SIPA1L2: variants seen among roughly 807,000 people sequenced by gnomAD.
SIPA1L2 encodes the protein signal induced proliferation associated 1 like 2.
Under a neutral mutation model 163.9 loss-of-function variants are expected in SIPA1L2, and 56 were observed. The observed-to-expected ratio is 0.34, with a 90% confidence interval of 0.28 to 0.43. The LOEUF is 0.43. Among genes scored for constraint, SIPA1L2 ranks in the 20% least tolerant of loss-of-function variants. The pLI is 1.00. For synonymous variants in SIPA1L2, 877 were observed against 865.7 expected, an observed-to-expected ratio of 1.01 and a Z score of -0.23; for missense variants, 1,974 against 2,193.5, an observed-to-expected ratio of 0.90 and a Z score of 2.00.
intron 7 of SIPA1L2, among the ~76,000 whole-genome samples, chr1:232,479,408 G>C (rs1665208477): frequency 1.3e-5 from 2 of 152,208 alleles, no homozygotes; most frequent in South Asian, 4.1e-4. Context: ...CAATAGATCT[G>C]AGTGCAGAAG....
At chr1:232,453,959 C>T (rs779505160) in intron 10 of SIPA1L2, among the ~76,000 whole-genome samples, 240 of 152,204 alleles carry the variant, frequency 1.6e-3, no homozygotes, top group Non-Finnish European at 3.0e-3. Flanking sequence ...ATTTTAATGT[C>T]TGTTATGCTA....
At chr1:232,560,908 TAAA>T (rs1019461102) in intron 2 of SIPA1L2, among the ~76,000 whole-genome samples, 2 of 152,110 alleles carry the variant, frequency 1.3e-5, no homozygotes, top group Non-Finnish European at 2.9e-5. Context: ...AAAAAGTAAA[TAAA>T]AACACTACAG....
chr1:232,415,698 T>A, intron 18 of SIPA1L2, 73 bp from the exon 19 acceptor site: 1 of 1,586,222 alleles, frequency 6.3e-7, no homozygotes, highest in East Asian at 2.3e-5. Context: ...AGTCAGAACA[T>A]GGGCACCACT....
intron 10 of SIPA1L2, among the ~76,000 whole-genome samples, chr1:232,457,611 G>A (rs1412474672): frequency 1.3e-5 from 2 of 152,202 alleles, no homozygotes; most frequent in Non-Finnish European, 2.9e-5. Context: ...GCTTTAGCTT[G>A]AGGCACATCC....
chr1:232,406,276 G>T (rs1280938680), intron 19 of SIPA1L2, among the ~76,000 whole-genome samples: 1 of 152,164 alleles, frequency 6.6e-6, no homozygotes, highest in Non-Finnish European at 1.5e-5. Context: ...CATGTACGTG[G>T]TCACGGTTGG....
rs563295001 is a variant in SIPA1L2, at chr1:232,491,065, G to T, written c.1618-3C>A. 1 of 1,610,500 alleles carries T rather than the reference G, an allele frequency of 6.2e-7. No individual in the cohort carries two copies. The highest frequency in any genetic ancestry group is 8.5e-7 in the Non-Finnish European group (1 of 1,178,292). ...ATTGCTCCTCTCAGTGTTGTAAGCT[G>T]CAGTGACAAAACATAAGACTTCGGT... is the stretch of plus-strand genomic sequence containing the variant. On this transcript the variant is annotated splice_polypyrimidine_tract_variant and splice_region_variant and intron_variant, in intron 4 of 22. Transcript: ENST00000674635.
At chr1:232,462,254 A>G (rs993112268) in intron 9 of SIPA1L2, 2 of 1,550,930 alleles carry the variant, frequency 1.3e-6, no homozygotes, top group African/African-American at 2.7e-5. Flanking sequence ...CCCGATGACT[A>G]TGACCTCACC....
At chr1:232,554,523 G>T (rs6696139) in intron 2 of SIPA1L2, among the ~76,000 whole-genome samples, 25,576 of 152,212 alleles carry the variant, frequency 0.17, 2,222 homozygotes, top group Middle Eastern at 0.28. Context: ...GTTCCCTTTA[G>T]TCTTTCTCAG....
rs147472231 is a variant in SIPA1L2 at position 232,592,075 on chromosome 1, C to T, written c.-318-17853G>A. Among the ~76,000 whole-genome samples, 1,215 of 152,096 alleles carry T rather than the reference C, an allele frequency of 8.0e-3. 20 individuals are homozygous for T. The highest frequency in any genetic ancestry group is 0.028 in the African/African-American group (1,148 of 41,486). On this transcript the variant is annotated intron_variant, in intron 1 of 22. Coordinates refer to ENST00000674635, the MANE Select transcript of SIPA1L2 (RefSeq NM_020808.5). ...ACCAGAATAAGAAAAAGAAGGAAAA[C>T]GTGACTGAATTATCCATTGCCACTA...
chr1:232,603,328 G>A (rs1661708129), intron 1 of SIPA1L2, among the ~76,000 whole-genome samples: 1 of 151,986 alleles, frequency 6.6e-6, no homozygotes, highest in South Asian at 2.1e-4. Flanking sequence ...TCCAGAGGCT[G>A]TGAAAGATGC....
chr1:232,617,007 T>C (rs564696059), intron 1 of SIPA1L2, among the ~76,000 whole-genome samples: 1 of 152,358 alleles, frequency 6.6e-6, no homozygotes, highest in East Asian at 1.9e-4. Context: ...TCACATATTA[T>C]CATAAAACTG....
At chr1:232,420,570 T>C (rs1661514951) in intron 18 of SIPA1L2, among the ~76,000 whole-genome samples, 1 of 152,116 alleles carries the variant, frequency 6.6e-6, no homozygotes, top group Non-Finnish European at 1.5e-5. Context: ...GCGTGGTGGC[T>C]CATGCCTGTA....
intron 22 of SIPA1L2, 57 bp downstream of exon 22, chr1:232,402,335 A>G (rs1481275684): frequency 6.6e-7 from 1 of 1,513,242 alleles, no homozygotes; most frequent in African/African-American, 1.4e-5. Context: ...TGTAGTAGTT[A>G]TAAGGGGCTG....
At chr1:232,431,459 G>A (rs1319742936) in intron 16 of SIPA1L2, among the ~76,000 whole-genome samples, 2 of 152,188 alleles carry the variant, frequency 1.3e-5, no homozygotes, top group Non-Finnish European at 2.9e-5. Context: ...CACTGGCAAA[G>A]TGTAAAATCT....
chr1:232,498,409 A>C (rs1441046964), intron 3 of SIPA1L2, among the ~76,000 whole-genome samples: 1 of 152,210 alleles, frequency 6.6e-6, no homozygotes, highest in East Asian at 1.9e-4. Context: ...TGGAACTTAC[A>C]TGGCAAGAGA....
intron 18 of SIPA1L2, among the ~76,000 whole-genome samples, chr1:232,418,600 A>G (rs1036472843): frequency 9.9e-5 from 15 of 152,132 alleles, no homozygotes; most frequent in Non-Finnish European, 2.2e-4. Context: ...GACCCCACAC[A>G]ATGTGGCACT....
chr1:232,398,875 A>G lies in SIPA1L2; in HGVS notation c.*252T>C. On this transcript the variant is annotated 3_prime_UTR_variant, in exon 23 of 23. Coordinates refer to ENST00000674635, the MANE Select transcript of SIPA1L2 (RefSeq NM_020808.5). The stretch of plus-strand genomic sequence containing the variant: ...CAGAGTCTAAAAGAAAAAGGTCTCA[A>G]CTGTCGCCAGGGTTTACATTCATCT... The G allele has an allele frequency of 2.2e-6, 1 of 454,122 alleles. No homozygotes were observed. The highest frequency in any genetic ancestry group is 4.0e-6 in the Non-Finnish European group (1 of 253,162). 28.1% of individuals were successfully genotyped at this position (454,122 alleles called of 1,614,324 possible). A position where few individuals can be genotyped will look rare whatever the true frequency, so the allele number is the denominator to read the frequency against.
At chr1:232,402,513 C>CAATCGAGCATTTTTGAGAGTA in intron 21 of SIPA1L2, 40 bp from the exon 22 acceptor site, 1 of 1,570,666 alleles carries the variant, frequency 6.4e-7, no homozygotes, top group Non-Finnish European at 8.7e-7. Context: ...TCAAGAGAGT[C>CAATCGAGCATTTTTGAGAGTA]AATCGAGCAT....
intron 1 of SIPA1L2, among the ~76,000 whole-genome samples, chr1:232,598,446 C>A (rs1296494850): frequency 1.3e-5 from 2 of 152,158 alleles, no homozygotes; most frequent in Non-Finnish European, 2.9e-5. Context: ...GTAGCTAACT[C>A]AAAGACACCT....
Sources: gnomAD v4.1 joint callset for allele counts (sites outside exome capture counted in the v4.1 genomes callset) on GRCh38, gnomAD v4.1.1 for gene constraint, MANE v1.5 for transcripts, NCBI Gene and HGNC (gene_info 2026-07-23, HGNC 2026-07-21) for gene names.